Variants in PPCS observed in about 807,000 individuals in gnomAD.
PPCS encodes phosphopantothenoylcysteine synthetase.
A neutral mutation model predicts 24.6 loss-of-function variants in PPCS; 17 were observed. The observed-to-expected ratio is 0.69, with a 90% CI of 0.47 to 1.04. PPCS has a LOEUF of 1.04. Ranked by LOEUF, PPCS falls within the 50% of genes least tolerant of loss-of-function variation. The pLI is 0.00. For synonymous variants in PPCS, 190 were observed against 168.3 expected, an observed-to-expected ratio of 1.13 and a Z score of -1.00; for missense variants, 360 against 402.8, an observed-to-expected ratio of 0.89 and a Z score of 0.91.
At chr1:42,461,517 A>G (rs1569632944), downstream of PPCS, among the ~76,000 whole-genome samples, 3 of 150,116 alleles carry the variant, frequency 2.0e-5, no homozygotes, top group Admixed American at 1.3e-4. Flanking sequence ...TTTATTTTTC[A>G]TAGAGACAAG....
chr1:42,471,268 T>G (rs1003620268), intron 2 of PPCS, among the ~76,000 whole-genome samples: 3 of 152,150 alleles, frequency 2.0e-5, no homozygotes, highest in African/African-American at 7.2e-5. Flanking sequence ...CTTTTCCTTT[T>G]AACATCCTCC....
At chr1:42,469,033 A>G (rs1643679921) in intron 2 of PPCS, among the ~76,000 whole-genome samples, 1 of 152,016 alleles carries the variant, frequency 6.6e-6, no homozygotes. Context: ...AAAAAAAAAA[A>G]ACTTTCAGGG....
chr1:42,468,405 A>G (rs1472218226), intron 2 of PPCS, among the ~76,000 whole-genome samples: 1 of 152,112 alleles, frequency 6.6e-6, no homozygotes, highest in African/African-American at 2.4e-5. Context: ...AGGAGCAAGA[A>G]AGGGGGCATC....
chr1:42,468,716 G>A (rs1344441289), intron 2 of PPCS: 1 of 152,174 alleles, frequency 6.6e-6, no homozygotes, highest in African/African-American at 2.4e-5. Flanking sequence ...ACAACAGAGT[G>A]AGGTAGGCAT....
chr1:42,469,455 G>A (rs909431899), intron 2 of PPCS, among the ~76,000 whole-genome samples: 4 of 152,172 alleles, frequency 2.6e-5, no homozygotes, highest in African/African-American at 9.7e-5. Flanking sequence ...ATAGGAGTGT[G>A]GGAGACAAAT....
At chr1:42,458,420 C>CT (rs933727974) in intron 2 of PPCS, among the ~76,000 whole-genome samples, 1 of 152,126 alleles carries the variant, frequency 6.6e-6, no homozygotes, top group Non-Finnish European at 1.5e-5. Flanking sequence ...AGGAGAAACT[C>CT]TTATCTGTGG....
chr1:42,466,651 C>A (rs895709553), intron 2 of PPCS, among the ~76,000 whole-genome samples: 1 of 151,454 alleles, frequency 6.6e-6, no homozygotes, highest in African/African-American at 2.4e-5. Flanking sequence ...TCCCGGGTTC[C>A]AGCGATTCTC....
intron 2 of PPCS, among the ~76,000 whole-genome samples, chr1:42,469,763 T>G (rs989058003): frequency 6.6e-6 from 1 of 152,146 alleles, no homozygotes; most frequent in African/African-American, 2.4e-5. Context: ...AGCAACTGAC[T>G]GTTTTATGAT....
downstream of PPCS, among the ~76,000 whole-genome samples, chr1:42,464,583 G>A (rs893973964): frequency 6.6e-6 from 1 of 152,176 alleles, no homozygotes; most frequent in Non-Finnish European, 1.5e-5. Context: ...AATATTTTTG[G>A]CAAGGGAGCA....
downstream of PPCS, among the ~76,000 whole-genome samples, chr1:42,465,634 G>T (rs191622538): frequency 6.4e-4 from 98 of 152,206 alleles, no homozygotes; most frequent in African/African-American, 2.2e-3. Context: ...CAAAGTGCTG[G>T]GATTACAAGT....
intron 2 of PPCS, among the ~76,000 whole-genome samples, chr1:42,458,786 T>C (rs764977371): frequency 7.2e-5 from 11 of 152,196 alleles, no homozygotes; most frequent in Non-Finnish European, 1.3e-4. Flanking sequence ...TGAGAAGGGA[T>C]TGGGGATGAG....
At chr1:42,457,574 A>T (rs1361973074) in intron 2 of PPCS, 1 of 571,190 alleles carries the variant, frequency 1.8e-6, no homozygotes, top group Non-Finnish European at 3.1e-6. Flanking sequence ...GGAGGTATGT[A>T]CAAAGTGCAG....
In PPCS at chr1:42,459,549, C is replaced by T. The variant is rs952350477; in HGVS notation, c.613-54C>T. The stretch of plus-strand genomic sequence containing the variant: ...ATTCCTTAGTTTCCCATGAGATTGA[C>T]CTGGTAGGTAATGACCATTGTTTGC... On this transcript the variant is annotated intron_variant, in intron 2 of 2. Coordinates refer to ENST00000372561, the MANE Select transcript of PPCS (RefSeq NM_024664.4). 4 of 1,405,660 alleles carry T rather than the reference C, an allele frequency of 2.8e-6. No individual in the cohort carries two copies. In the African/African-American group the frequency reaches 4.3e-5, roughly 15 times the overall value. The allele number at this position is 1,405,660 out of a possible 1,614,324, so 87.1% of individuals were successfully genotyped here. A position where few individuals can be genotyped will look rare whatever the true frequency, so the allele number is the denominator to read the frequency against.
At chr1:42,461,381 G>T (rs749521595), downstream of PPCS, among the ~76,000 whole-genome samples, 1 of 152,156 alleles carries the variant, frequency 6.6e-6, no homozygotes, top group Non-Finnish European at 1.5e-5. Context: ...AGTCACCCAG[G>T]TTGGAGTGCA....
downstream of PPCS, among the ~76,000 whole-genome samples, chr1:42,463,170 G>C (rs909358905): frequency 2.0e-5 from 3 of 152,226 alleles, no homozygotes; most frequent in African/African-American, 7.2e-5. Flanking sequence ...AAGGCCAATG[G>C]TGTGAGACAT....
intron 2 of PPCS, chr1:42,467,907 C>T (rs1188255191): frequency 1.3e-5 from 2 of 152,186 alleles, no homozygotes; most frequent in African/African-American, 4.8e-5. Context: ...TCGCTAAGGA[C>T]TTGAATAGTT....
chr1:42,468,649 A>C (rs1643667685), intron 2 of PPCS: 1 of 152,248 alleles, frequency 6.6e-6, no homozygotes, highest in South Asian at 2.1e-4. Context: ...GTTTCTTGCC[A>C]CTTCTTCTAG....
At chr1:42,458,629 T>A (rs749722731) in intron 2 of PPCS, among the ~76,000 whole-genome samples, 4 of 152,258 alleles carry the variant, frequency 2.6e-5, no homozygotes, top group Admixed American at 2.6e-4. Context: ...AACTGGTATA[T>A]GATCCCTATC....
rs926738947 is a variant in PPCS, at chr1:42,459,655, C to T, written c.665C>T (p.Ala222Val). ...KLLSPLVKDW[A>V]PKAFIISFKL... is the part of the protein sequence containing the mutation. Reference sequence around the variant, plus strand: ...CTTTCTCCTTTGGTTAAAGATTGGGCTCCCAAAGCATTTATAATTTCCTTT... The same window carrying T: ...CTTTCTCCTTTGGTTAAAGATTGGGTTCCCAAAGCATTTATAATTTCCTTT... The change falls in exon 3 of 3, where the codon GCT (alanine) becomes GTT (valine). Residue 222 changes from alanine (A) to valine (V), a missense_variant. Coordinates refer to ENST00000372561, the MANE Select transcript of PPCS (RefSeq NM_024664.4). 6.2e-7 allele frequency: 1 copy of T among 1,614,082 alleles called. No homozygotes were observed. Among genetic ancestry groups the T allele is most frequent in the South Asian group, 1.1e-5 (1 of 91,082 alleles).
Sources: allele counts gnomAD v4.1 joint callset (sites outside exome capture counted in the v4.1 genomes callset), GRCh38; gene constraint gnomAD v4.1.1; transcripts MANE v1.5; gene names NCBI Gene and HGNC (gene_info 2026-07-23, HGNC 2026-07-21).